Variants in ACVR1 observed in about 807,000 individuals in gnomAD.
The protein encoded by ACVR1 is activin receptor type-1.
Under a neutral mutation model 57.1 loss-of-function variants are expected in ACVR1, and 38 were observed. That is an observed-to-expected ratio of 0.67 (90% confidence interval 0.51 to 0.87). The LOEUF is 0.87. ACVR1 is among the 40% of genes least tolerant of loss of function. The pLI, the probability that ACVR1 is intolerant of heterozygous loss-of-function variation, is 0.00. For missense variants in ACVR1, 463 were observed against 638.2 expected, an observed-to-expected ratio of 0.73 and a Z score of 2.96; for synonymous variants, 212 against 228.1, an observed-to-expected ratio of 0.93 and a Z score of 0.63.
Position 157,870,432 on chromosome 2 carries a change from A to G in ACVR1, c.-183+5364T>C, listed in dbSNP as rs548540499. On this transcript the variant is annotated intron_variant, in intron 1 of 10. Transcript: ENST00000434821. Reference sequence around the variant, plus strand: ...CATCAAGTATTCAAGATGAAAAGTTATATGTGGTATGTCCACTGATTTCAG... The same window carrying G: ...CATCAAGTATTCAAGATGAAAAGTTGTATGTGGTATGTCCACTGATTTCAG... Among the ~76,000 whole-genome samples, 7 of 152,346 alleles carry G rather than the reference A, an allele frequency of 4.6e-5. No individual in the cohort carries two copies. In the South Asian group the frequency reaches 1.0e-3, roughly 23 times the overall value.
chr2:157,874,435 G>C (rs1171453625), intron 1 of ACVR1, among the ~76,000 whole-genome samples: 1 of 152,156 alleles, frequency 6.6e-6, no homozygotes, highest in African/African-American at 2.4e-5. Flanking sequence ...GCTGCATGGC[G>C]AGGCCGATGT....
chr2:157,796,140 T>C (rs1415504226), intron 3 of ACVR1, among the ~76,000 whole-genome samples: 1 of 150,136 alleles, frequency 6.7e-6, no homozygotes, highest in African/African-American at 2.5e-5. Context: ...GAGGAATGCT[T>C]GAGCCCAGGA....
intron 8 of ACVR1, among the ~76,000 whole-genome samples, chr2:157,764,142 T>G (rs1222381737): frequency 2.0e-5 from 3 of 152,012 alleles, no homozygotes; most frequent in Non-Finnish European, 4.4e-5. Context: ...TCCGGTGAGG[T>G]GGGCTTATTT....
chr2:157,775,550 G>A (rs984543559), intron 5 of ACVR1, among the ~76,000 whole-genome samples: 1 of 152,146 alleles, frequency 6.6e-6, no homozygotes. Context: ...GTGAAGTACT[G>A]TTGATCGGCA....
intron 3 of ACVR1, among the ~76,000 whole-genome samples, chr2:157,792,507 G>A (rs1686955525): frequency 6.6e-6 from 1 of 152,228 alleles, no homozygotes; most frequent in African/African-American, 2.4e-5. Context: ...GACCAGCTTT[G>A]TTGAGGAATA....
At chr2:157,858,645 T>G (rs1487361743) in intron 1 of ACVR1, among the ~76,000 whole-genome samples, 1 of 151,904 alleles carries the variant, frequency 6.6e-6, no homozygotes, top group Non-Finnish European at 1.5e-5. Flanking sequence ...CATTACGCCC[T>G]GCTAATTTTT....
At chr2:157,813,028 T>C (rs1053973609) in intron 2 of ACVR1, among the ~76,000 whole-genome samples, 8 of 152,260 alleles carry the variant, frequency 5.3e-5, no homozygotes, top group Admixed American at 2.6e-4. Context: ...AGTCTATACA[T>C]TTAACAAAAT....
chr2:157,857,398 G>GA (rs1184090040), intron 1 of ACVR1, among the ~76,000 whole-genome samples: 122 of 137,392 alleles, frequency 8.9e-4, no homozygotes, highest in East Asian at 2.3e-3. Context: ...AAACTAATTG[G>GA]AAAAAAAAAA....
chr2:157,748,631 T>TA (rs796281012), intron 9 of ACVR1, among the ~76,000 whole-genome samples: 3,480 of 140,954 alleles, frequency 0.025, 98 homozygotes, highest in African/African-American at 0.077. Context: ...ATGATTCCAT[T>TA]AAAAAAAAAA....
In ACVR1 at chr2:157,863,336, C is replaced by CTTTTTTTTTTTTTTT. The variant is rs1161335923; in HGVS notation, c.-183+12445_-183+12459dup. Among the ~76,000 whole-genome samples the CTTTTTTTTTTTTTTT allele has an allele frequency of 4.2e-4, 15 of 35,674 alleles. 6 individuals carry two copies. Among genetic ancestry groups the CTTTTTTTTTTTTTTT allele is most frequent in the Non-Finnish European group, 7.2e-4 (15 of 20,822 alleles). The allele number at this position is 35,674 out of a possible 152,430, so 23.4% of individuals were successfully genotyped here. Reference sequence around the variant, plus strand: ...CCTATAGAACAGTTAAATTGTTTCTCTTTTTTTTTTTTTTTTTTTTTTTTT... The same window carrying CTTTTTTTTTTTTTTT: ...CCTATAGAACAGTTAAATTGTTTCTCTTTTTTTTTTTTTTTTTTTTTTTTTTTTTTTTTTTTTTTT... On this transcript the variant is annotated intron_variant, in intron 1 of 10. Coordinates refer to ENST00000434821, the MANE Select transcript of ACVR1 (RefSeq NM_001111067.4).
At chr2:157,764,037 T>G (rs1685762854) in intron 8 of ACVR1, among the ~76,000 whole-genome samples, 1 of 152,180 alleles carries the variant, frequency 6.6e-6, no homozygotes, top group Non-Finnish European at 1.5e-5. Flanking sequence ...CCTCAATTTG[T>G]CCACCCTCCC....
rs562533921 is a variant in ACVR1 at position 157,872,515 on chromosome 2, C to T, written c.-183+3281G>A. On this transcript the variant is annotated intron_variant, in intron 1 of 10. Transcript: ENST00000434821. ...CCAGGTGAAACCTCACTGCAGCCCA[C>T]ACTATTTAGTTGCAATATTGGAAAG... Among the ~76,000 whole-genome samples the T allele has an allele frequency of 1.7e-3, 262 of 152,310 alleles. 1 individual carries two copies. The highest frequency in any genetic ancestry group is 6.1e-3 in the African/African-American group (253 of 41,550).
At chr2:157,760,388 A>G (rs1329902191) in intron 9 of ACVR1, among the ~76,000 whole-genome samples, 1 of 152,184 alleles carries the variant, frequency 6.6e-6, no homozygotes, top group African/African-American at 2.4e-5. Context: ...CTAATGTTCA[A>G]TAGCACAGTA....
intron 1 of ACVR1, among the ~76,000 whole-genome samples, chr2:157,868,341 G>T (rs773986389): frequency 1.4e-4 from 21 of 151,662 alleles, no homozygotes; most frequent in Non-Finnish European, 1.8e-4. Flanking sequence ...AAAAAAAATA[G>T]CTGGGCATGG....
chr2:157,778,493 G>T, intron 4 of ACVR1, 151 bp from the exon 5 acceptor site: 1 of 667,022 alleles, frequency 1.5e-6, no homozygotes, highest in East Asian at 2.7e-5. Flanking sequence ...CCTAATGCCT[G>T]GCCAATGGCC....
chr2:157,862,498 A>G lies in ACVR1; in HGVS notation c.-183+13298T>C, dbSNP rs141352226. Among the ~76,000 whole-genome samples, 292 of 152,044 alleles carry G rather than the reference A, an allele frequency of 1.9e-3. 2 individuals carry two copies. Among genetic ancestry groups the G allele is most frequent in the Middle Eastern group, 0.01 (3 of 290 alleles). On this transcript the variant is annotated intron_variant, in intron 1 of 10. Coordinates refer to ENST00000434821, the MANE Select transcript of ACVR1 (RefSeq NM_001111067.4). ...ACATACCTTGTATTTACTAATATAT[A>G]TATAAGGTAGTATCTGTAAGATACG...
chr2:157,870,040 C>A (rs1330487297), intron 1 of ACVR1, among the ~76,000 whole-genome samples: 2 of 152,184 alleles, frequency 1.3e-5, no homozygotes, highest in African/African-American at 2.4e-5. Context: ...CAAGCGTAGC[C>A]AACACTCATC....
intron 7 of ACVR1, among the ~76,000 whole-genome samples, chr2:157,769,785 G>A (rs1191547040): frequency 6.6e-6 from 1 of 152,172 alleles, no homozygotes; most frequent in Non-Finnish European, 1.5e-5. Context: ...AGAAGTCAAT[G>A]GGCCTAAGGA....
At chr2:157,783,739 C>T (rs1435015274) in intron 3 of ACVR1, among the ~76,000 whole-genome samples, 20 of 152,212 alleles carry the variant, frequency 1.3e-4, no homozygotes, top group Admixed American at 1.3e-3. Context: ...CAGGGAAGTA[C>T]AAAACCTTCA....
Sources: gnomAD v4.1 joint callset for allele counts (sites outside exome capture counted in the v4.1 genomes callset) on GRCh38, gnomAD v4.1.1 for gene constraint, MANE v1.5 for transcripts, NCBI Gene and HGNC (gene_info 2026-07-23, HGNC 2026-07-21) for gene names.